Variants in SPON2 observed in about 807,000 individuals in gnomAD.
The protein encoded by SPON2 is spondin 2.
A neutral mutation model predicts 29.9 loss-of-function variants in SPON2; 32 were observed. The ratio of observed to expected loss-of-function variants is 1.07; its 90% confidence interval spans 0.81 to 1.44. SPON2 has a LOEUF of 1.44. Among genes scored for constraint, SPON2 ranks in the 40% most tolerant of loss-of-function variants. The pLI is 0.00. For synonymous variants in SPON2, 248 were observed against 209.1 expected (o/e 1.19, Z -1.61); for missense variants, 541 against 455.5 (o/e 1.19, Z -1.71).
upstream of SPON2, among the ~76,000 whole-genome samples, chr4:1,196,217 C>T (rs1728067115): frequency 6.6e-6 from 1 of 152,204 alleles, no homozygotes; most frequent in Non-Finnish European, 1.5e-5. Context: ...ACTGGGCACA[C>T]CCAGAGGCCA....
intron 1 of SPON2, among the ~76,000 whole-genome samples, chr4:1,191,106 A>G (rs1476829620): frequency 6.6e-6 from 1 of 150,510 alleles, no homozygotes; most frequent in Non-Finnish European, 1.5e-5. Context: ...GCAGAAATGG[A>G]AAGTCTGATC....
Position 1,167,579 on chromosome 4 carries a change from C to G in SPON2, c.889G>C (p.Gly297Arg), listed in dbSNP as rs1023899914. 3 of 1,613,426 alleles carry G rather than the reference C, an allele frequency of 1.9e-6. No homozygotes were observed. The highest frequency in any genetic ancestry group is 2.5e-6 in the Non-Finnish European group (3 of 1,180,010). The change falls in exon 6 of 6, where the codon GGG (glycine) becomes CGG (arginine). Residue 297 changes from glycine to arginine, a missense_variant. By Grantham distance (125) the Gly-to-Arg change is moderately radical (BLOSUM62 -2). Coordinates refer to ENST00000290902, the MANE Select transcript of SPON2 (RefSeq NM_012445.4). ...ACGTAGCGAGTCCTGCTCTTGGTCCCGAGCCTCCCACAGTGGCCTCCGCAC... is the reference window on the plus strand; with the variant it reads ...ACGTAGCGAGTCCTGCTCTTGGTCCGGAGCCTCCCACAGTGGCCTCCGCAC... ...GLCGGHCGRLGTKSRTRYVRV... is the reference protein window; with the variant it reads ...GLCGGHCGRLRTKSRTRYVRV...
upstream of SPON2, among the ~76,000 whole-genome samples, chr4:1,198,503 T>C (rs189609380): frequency 6.6e-6 from 1 of 152,004 alleles, no homozygotes; most frequent in Non-Finnish European, 1.5e-5. Context: ...GAGAAAACCA[T>C]AGACAAATAT....
At chr4:1,190,912 A>G (rs1469527343) in intron 1 of SPON2, among the ~76,000 whole-genome samples, 1 of 152,230 alleles carries the variant, frequency 6.6e-6, no homozygotes, top group African/African-American at 2.4e-5. Flanking sequence ...ACACAACTTG[A>G]ACACTAAAAA....
chr4:1,170,651 G>A, intron 4 of SPON2, 75 bp from the exon 5 acceptor site: 4 of 1,500,774 alleles, frequency 2.7e-6, no homozygotes, highest in Non-Finnish European at 3.6e-6. Flanking sequence ...CCTCACTGGG[G>A]CCACTGCCCA....
rs11933329 is a variant in SPON2 at position 1,193,076 on chromosome 4, C to T, written c.-239+1914G>A. On this transcript the variant is annotated intron_variant, in intron 1 of 3. Coordinates refer to the SPON2 transcript ENST00000502483. ...ACACACACGTGCACACACTTGTATA[C>T]GTACACATGCCCGACACAGCTGCAC... Among the ~76,000 whole-genome samples, 1,128 of 152,322 alleles carry T rather than the reference C, an allele frequency of 7.4e-3. 10 individuals carry two copies. The highest frequency in any genetic ancestry group is 0.024 in the African/African-American group (1,011 of 41,570).
In SPON2 at chr4:1,170,954, C is replaced by T. The variant is rs1435695531; in HGVS notation, c.636+45G>A. 1.3e-5 allele frequency: 20 copies of T among 1,545,088 alleles called. 1 individual carries two copies. In the South Asian group the frequency reaches 1.8e-4, roughly 14 times the overall value. ...AGCCAGGCCCCAGCCCCGTCCCCAC[C>T]GCGGGGGCCATAGCGGCCCTTGCGC... On this transcript the variant is annotated intron_variant, in intron 4 of 5. Transcript: ENST00000290902.
At chr4:1,176,161 G>A (rs1304685357), upstream of SPON2, among the ~76,000 whole-genome samples, 1 of 152,052 alleles carries the variant, frequency 6.6e-6, no homozygotes, top group Non-Finnish European at 1.5e-5. Flanking sequence ...GAGTGATCTT[G>A]TGTGACTCCA....
intron 1 of SPON2, among the ~76,000 whole-genome samples, chr4:1,193,509 G>T (rs1231697002): frequency 6.7e-6 from 1 of 149,464 alleles, no homozygotes; most frequent in Non-Finnish European, 1.5e-5. Context: ...AGGGAAGGTT[G>T]TGTGTCCCTA....
Position 1,170,371 on chromosome 4 carries a change from G to C in SPON2, c.811+31C>G, listed in dbSNP as rs776813894. On this transcript the variant is annotated intron_variant, in intron 5 of 5. Coordinates refer to ENST00000290902, the MANE Select transcript of SPON2 (RefSeq NM_012445.4). ...CCCTGTGGCAGGGTTCGGGGCTGCT[G>C]TGTGTCCCATGTGACCTGTATGTCC... 30 of 1,598,208 alleles carry C rather than the reference G, an allele frequency of 1.9e-5. 1 individual carries two copies. The South Asian group carries it at 3.0e-4, about 16-fold the overall frequency.
intron 1 of SPON2, among the ~76,000 whole-genome samples, chr4:1,194,378 G>C (rs916571598): frequency 6.6e-6 from 1 of 152,200 alleles, no homozygotes; most frequent in Non-Finnish European, 1.5e-5. Context: ...CCCCAGGGTG[G>C]GAGGCCTGGG....
intron 1 of SPON2, among the ~76,000 whole-genome samples, chr4:1,194,015 A>AG (rs891142110): frequency 1.3e-5 from 2 of 151,896 alleles, no homozygotes; most frequent in East Asian, 1.9e-4. Context: ...TGTGGAACCC[A>AG]GGGGGGTGCC....
rs374266334 is a variant in SPON2 at position 1,167,449 on chromosome 4, C to G, written c.*23G>C. 37 of 1,603,774 alleles carry G rather than the reference C, an allele frequency of 2.3e-5. No homozygotes were observed. Among genetic ancestry groups the G allele is most frequent in the Non-Finnish European group, 2.8e-5 (33 of 1,174,208 alleles). ...CGACACCCCATGGCTCCGGGGGGCC[C>G]CAGGGGCTGCGGGGCTCTGGTCTTA... On this transcript the variant is annotated 3_prime_UTR_variant, in exon 6 of 6. Coordinates refer to ENST00000290902, the MANE Select transcript of SPON2 (RefSeq NM_012445.4).
chr4:1,168,341 T>C (rs1375289079), intron 5 of SPON2, among the ~76,000 whole-genome samples: 3 of 152,188 alleles, frequency 2.0e-5, no homozygotes, highest in East Asian at 3.8e-4. Context: ...CGCCTCACTC[T>C]GCCGTGCACG....
chr4:1,187,375 A>G (rs1367841669), intron 1 of SPON2, among the ~76,000 whole-genome samples: 2 of 152,200 alleles, frequency 1.3e-5, no homozygotes, highest in Non-Finnish European at 2.9e-5. Context: ...GGGAGCAGAA[A>G]TGGGGAGTTG....
chr4:1,198,865 G>A (rs1026690457), upstream of SPON2, among the ~76,000 whole-genome samples: 4 of 152,090 alleles, frequency 2.6e-5, no homozygotes, highest in African/African-American at 9.7e-5. Flanking sequence ...AGAAAAAAGT[G>A]CAAAAGTCTC....
At chr4:1,198,012 C>T (rs1728106981), upstream of SPON2, among the ~76,000 whole-genome samples, 1 of 148,186 alleles carries the variant, frequency 6.7e-6, no homozygotes, top group Non-Finnish European at 1.5e-5. Flanking sequence ...CGTCCCACTG[C>T]ACTCCAGCCT....
intron 1 of SPON2, chr4:1,200,947 CT>C (rs1414777817): frequency 4.4e-6 from 2 of 456,770 alleles, no homozygotes; most frequent in Non-Finnish European, 8.8e-6. Context: ...CCTCCTGGCT[CT>C]GTTGCAGCAG....
At chr4:1,204,283 C>G in intron 1 of SPON2, among the ~76,000 whole-genome samples, 1 of 152,216 alleles carries the variant, frequency 6.6e-6, no homozygotes, top group East Asian at 1.9e-4. Context: ...CGATACACAT[C>G]CTTTCTGCTC....
Sources: gnomAD v4.1 joint callset for allele counts (sites outside exome capture counted in the v4.1 genomes callset) on GRCh38, gnomAD v4.1.1 for gene constraint, MANE v1.5 for transcripts, NCBI Gene and HGNC (gene_info 2026-07-23, HGNC 2026-07-21) for gene names.